RBFOX1: variants seen among roughly 807,000 people sequenced by gnomAD.
RBFOX1 encodes RNA binding protein fox-1 homolog 1.
A neutral mutation model predicts 57.7 loss-of-function variants in RBFOX1; 8 were observed. The ratio of observed to expected loss-of-function variants is 0.14; its 90% confidence interval spans 0.08 to 0.25. The LOEUF (loss-of-function observed/expected upper bound fraction) is 0.25. RBFOX1 is among the 10% of genes least tolerant of loss of function. The pLI is 1.00. For missense variants in RBFOX1, 611 were observed against 548.5 expected, an observed-to-expected ratio of 1.11 and a Z score of -1.14; for synonymous variants, 326 against 222.4, an observed-to-expected ratio of 1.47 and a Z score of -4.15.
At chr16:6,020,921 G>A (rs1443928667) in intron 1 of RBFOX1, among the ~76,000 whole-genome samples, 1 of 152,308 alleles carries the variant, frequency 6.6e-6, no homozygotes, top group East Asian at 1.9e-4. Context: ...TTGTCCTGGA[G>A]CCCCCAGCTC....
chr16:6,621,180 G>T (rs1567918655), intron 2 of RBFOX1, among the ~76,000 whole-genome samples: 2 of 152,172 alleles, frequency 1.3e-5, no homozygotes, highest in African/African-American at 4.8e-5. Flanking sequence ...ACACTAGTCA[G>T]GCCGGGCGCG....
intron 1 of RBFOX1, among the ~76,000 whole-genome samples, chr16:6,059,591 T>C (rs187164752): frequency 0.017 from 2,626 of 151,902 alleles, 30 homozygotes; most frequent in Non-Finnish European, 0.026. Flanking sequence ...GAGGAATGCA[T>C]GTGTTTAAAT....
chr16:7,441,694 A>G (rs2098768454), intron 4 of RBFOX1, among the ~76,000 whole-genome samples: 1 of 152,180 alleles, frequency 6.6e-6, no homozygotes, highest in African/African-American at 2.4e-5. Context: ...AAATCAGACG[A>G]TCTGGCATAT....
chr16:5,800,228 C>G (rs563125701), intron 3 of RBFOX1, among the ~76,000 whole-genome samples: 2 of 152,138 alleles, frequency 1.3e-5, no homozygotes, highest in Non-Finnish European at 2.9e-5. Context: ...ACAGGTGATG[C>G]TCTGGCATGT....
intron 3 of RBFOX1, among the ~76,000 whole-genome samples, chr16:6,817,265 C>T (rs982158376): frequency 6.6e-6 from 1 of 152,148 alleles, no homozygotes; most frequent in African/African-American, 2.4e-5. Context: ...TAACATACTT[C>T]TGACCACCTT....
intron 4 of RBFOX1, among the ~76,000 whole-genome samples, chr16:7,222,172 A>C (rs559065666): frequency 1.4e-5 from 2 of 146,514 alleles, no homozygotes; most frequent in African/African-American, 4.9e-5. Context: ...GAAGTAAGAC[A>C]GTGCCATAGA....
chr16:6,115,656 A>G (rs970563536), intron 1 of RBFOX1, among the ~76,000 whole-genome samples: 1 of 152,158 alleles, frequency 6.6e-6, no homozygotes, highest in Non-Finnish European at 1.5e-5. Context: ...CTTTTTCTAG[A>G]AAGACCCAGG....
At chr16:7,009,731 C>A (rs186681167) in intron 3 of RBFOX1, among the ~76,000 whole-genome samples, 1 of 152,144 alleles carries the variant, frequency 6.6e-6, no homozygotes, top group Admixed American at 6.6e-5. Flanking sequence ...CAGCCTGATA[C>A]CACAGTAGTT....
chr16:6,633,852 T>A (rs2098409771), intron 2 of RBFOX1, among the ~76,000 whole-genome samples: 2 of 151,818 alleles, frequency 1.3e-5, no homozygotes, highest in South Asian at 4.2e-4. Flanking sequence ...TATAAAAAAA[T>A]AAAAATAAAT....
intron 2 of RBFOX1, among the ~76,000 whole-genome samples, chr16:6,594,418 G>T (rs1470531266): frequency 6.6e-6 from 1 of 152,162 alleles, no homozygotes; most frequent in Non-Finnish European, 1.5e-5. Context: ...TTTAGGTTGA[G>T]ATACAAAAGC....
intron 4 of RBFOX1, among the ~76,000 whole-genome samples, chr16:7,096,621 T>C (rs989711815): frequency 4.0e-5 from 6 of 151,670 alleles, no homozygotes; most frequent in Non-Finnish European, 7.4e-5. Context: ...GATCTAGGAG[T>C]GGACTTAGCC....
intron 1 of RBFOX1, among the ~76,000 whole-genome samples, chr16:6,217,912 A>T (rs754369286): frequency 2.0e-4 from 31 of 152,148 alleles, no homozygotes; most frequent in Non-Finnish European, 2.9e-4. Flanking sequence ...GCTACTCAGG[A>T]AGCTGAGGCA....
At chr16:6,925,342 C>G (rs2075369471) in intron 3 of RBFOX1, among the ~76,000 whole-genome samples, 1 of 151,420 alleles carries the variant, frequency 6.6e-6, no homozygotes, top group Non-Finnish European at 1.5e-5. Flanking sequence ...CCAGGCTGGT[C>G]TTGAACTCCT....
intron 2 of RBFOX1, among the ~76,000 whole-genome samples, chr16:6,642,681 C>G (rs926678185): frequency 6.6e-6 from 1 of 151,754 alleles, no homozygotes; most frequent in Non-Finnish European, 1.5e-5. Flanking sequence ...AGAAAGAAGT[C>G]AAGATGAAAA....
chr16:7,598,084 A>G (rs987395512), intron 9 of RBFOX1, among the ~76,000 whole-genome samples: 1 of 152,350 alleles, frequency 6.6e-6, no homozygotes, highest in African/African-American at 2.4e-5. Context: ...GTTATTAAAA[A>G]TGTTTGAACA....
intron 3 of RBFOX1, among the ~76,000 whole-genome samples, chr16:6,820,495 A>C (rs371702962): frequency 8.5e-5 from 13 of 152,210 alleles, no homozygotes; most frequent in East Asian, 5.8e-4. Flanking sequence ...TCTCTACAGA[A>C]AAAGTTTTTA....
In RBFOX1 at chr16:6,265,083, C is replaced by G. The variant is rs573477572; in HGVS notation, c.-126-51912C>G. ...TGTACTTCATTCCATTTCCTTTTTCCCTACAAGCCATTCAACAACCATAAC... is the reference window on the plus strand; with the variant it reads ...TGTACTTCATTCCATTTCCTTTTTCGCTACAAGCCATTCAACAACCATAAC... On this transcript the variant is annotated intron_variant, in intron 1 of 15. Transcript: ENST00000550418. Among the ~76,000 whole-genome samples the G allele has an allele frequency of 7.2e-5, 11 of 152,164 alleles. No homozygotes were observed. In the East Asian group the frequency reaches 1.9e-3, roughly 27 times the overall value.
At position 7,166,193 on chromosome 16, in the gene RBFOX1, C is replaced by T. The variant is rs1567537464; in HGVS notation, c.27+114095C>T. On this transcript the variant is annotated intron_variant, in intron 4 of 15. Coordinates refer to ENST00000550418, the MANE Select transcript of RBFOX1 (RefSeq NM_018723.4). ...CACACCCAGCTAATTTTTGTATTGT[C>T]AGTGGAGATGGGGTTTTGCCATGTA... Among the ~76,000 whole-genome samples the T allele has an allele frequency of 2.6e-5, 4 of 151,938 alleles. No individual in the cohort carries two copies. In the South Asian group the frequency reaches 6.2e-4, roughly 24 times the overall value.
chr16:5,688,131 G>A (rs2050560412), intron 3 of RBFOX1, among the ~76,000 whole-genome samples: 1 of 152,146 alleles, frequency 6.6e-6, no homozygotes, highest in Admixed American at 6.5e-5. Flanking sequence ...TAGTTCTAAG[G>A]AGAAGCTGAA....
Sources: gnomAD v4.1 joint callset for allele counts (sites outside exome capture counted in the v4.1 genomes callset) on GRCh38, gnomAD v4.1.1 for gene constraint, MANE v1.5 for transcripts, NCBI Gene and HGNC (gene_info 2026-07-23, HGNC 2026-07-21) for gene names.